Variants in ROBO2 observed in about 807,000 individuals in gnomAD.
ROBO2 encodes roundabout homolog 2.
ROBO2 carries 53 observed loss-of-function variants against 160.8 expected under a neutral mutation model. That is an observed-to-expected ratio of 0.33 (90% CI 0.26 to 0.41). ROBO2 has a LOEUF of 0.41. Among genes scored for constraint, ROBO2 ranks in the 10% least tolerant of loss-of-function variants. ROBO2 has a pLI of 1.00. For synonymous variants in ROBO2, 664 were observed against 611.7 expected (o/e 1.09, Z -1.26); for missense variants, 1,577 against 1,722.4 (o/e 0.92, Z 1.49).
At chr3:77,139,715 G>A (rs966324026) in intron 2 of ROBO2, among the ~76,000 whole-genome samples, 1 of 152,114 alleles carries the variant, frequency 6.6e-6, no homozygotes, top group Non-Finnish European at 1.5e-5. Context: ...GTTCATGTAG[G>A]CTGTATCTTC....
upstream of ROBO2, chr3:75,906,687 A>C (rs1291470077): frequency 6.6e-6 from 1 of 152,322 alleles, no homozygotes; most frequent in Non-Finnish European, 1.5e-5. Context: ...TAGCACGGGC[A>C]GCTCGCGCGC....
At chr3:76,095,653 T>C (rs538883391) in intron 2 of ROBO2, among the ~76,000 whole-genome samples, 1 of 151,966 alleles carries the variant, frequency 6.6e-6, no homozygotes, top group East Asian at 1.9e-4. Context: ...ACAACAAAAC[T>C]CCACATAGAA....
At chr3:76,961,524 T>C (rs1463498701) in intron 2 of ROBO2, among the ~76,000 whole-genome samples, 1 of 152,106 alleles carries the variant, frequency 6.6e-6, no homozygotes, top group Non-Finnish European at 1.5e-5. Context: ...ATATGATAAT[T>C]GTTCCCAGTT....
chr3:76,566,350 C>T (rs2108538823), intron 2 of ROBO2, among the ~76,000 whole-genome samples: 1 of 152,296 alleles, frequency 6.6e-6, no homozygotes, highest in South Asian at 2.1e-4. Flanking sequence ...CAGATGGAGG[C>T]ACACCCCAGA....
Position 76,301,829 on chromosome 3 carries a change from G to A in ROBO2, c.109+364227G>A, listed in dbSNP as rs1709373912. 1.3e-5 allele frequency among the ~76,000 whole-genome samples: 2 copies of A among 152,078 alleles called. 1 individual carries two copies. The highest frequency in any genetic ancestry group is 4.1e-4 in the South Asian group (2 of 4,828). On this transcript the variant is annotated intron_variant, in intron 2 of 26. Transcript: ENST00000487694. ...AGCCGAAGGGTTGTAAGTGGGAGTA[G>A]TAAGTGACAATTTTTCTAAACCCTT...
intron 1 of ROBO2, among the ~76,000 whole-genome samples, chr3:77,048,004 G>A (rs1365841345): frequency 2.6e-5 from 4 of 152,056 alleles, no homozygotes; most frequent in East Asian, 1.9e-4. Context: ...CCGAGATCGC[G>A]CCACTGCACT....
In ROBO2 at chr3:76,128,314, AAGGAG is replaced by A. The variant is rs1337142813; in HGVS notation, c.109+190713_109+190717del. Among the ~76,000 whole-genome samples, 6 of 152,236 alleles carry A rather than the reference AAGGAG, an allele frequency of 3.9e-5. No homozygotes were observed. The South Asian group carries it at 1.2e-3, about 32-fold the overall frequency. On this transcript the variant is annotated intron_variant, in intron 2 of 26. Transcript: ENST00000487694. ...TCATAGAAAATGTGGCCTTTACAGC[AAGGAG>A]CTCTCCAAGTTTCTCTTACGAAAAA...
chr3:76,115,554 C>A (rs1276561650), intron 2 of ROBO2, among the ~76,000 whole-genome samples: 1 of 151,914 alleles, frequency 6.6e-6, no homozygotes, highest in African/African-American at 2.4e-5. Context: ...ATAGATTCTT[C>A]CATATGATTA....
At chr3:77,230,705 A>C (rs1005138159) in intron 2 of ROBO2, among the ~76,000 whole-genome samples, 1 of 152,190 alleles carries the variant, frequency 6.6e-6, no homozygotes, top group Non-Finnish European at 1.5e-5. Flanking sequence ...GTTGGCTTCC[A>C]CATTAACTAC....
chr3:75,924,311 C>G (rs187338081), intron 1 of ROBO2, among the ~76,000 whole-genome samples: 6 of 151,838 alleles, frequency 4.0e-5, no homozygotes, highest in Middle Eastern at 3.2e-3. Context: ...ACAGGAAGGC[C>G]GAAAGACCAG....
chr3:76,763,957 G>C (rs2061444356), intron 2 of ROBO2, among the ~76,000 whole-genome samples: 1 of 151,708 alleles, frequency 6.6e-6, no homozygotes, highest in Non-Finnish European at 1.5e-5. Context: ...TTACATTTTT[G>C]AGATATAAAC....
chr3:75,972,719 A>G (rs1342964815), intron 2 of ROBO2, among the ~76,000 whole-genome samples: 1 of 151,596 alleles, frequency 6.6e-6, no homozygotes, highest in Non-Finnish European at 1.5e-5. Flanking sequence ...GGACCCCTAG[A>G]TCTATTGAAT....
intron 2 of ROBO2, among the ~76,000 whole-genome samples, chr3:76,410,187 C>T (rs140919763): frequency 1.3e-4 from 20 of 152,142 alleles, no homozygotes; most frequent in African/African-American, 4.8e-4. Context: ...GCCTAAAAGC[C>T]AATGAGGCCC....
chr3:76,437,494 G>A (rs1419519798), intron 2 of ROBO2, among the ~76,000 whole-genome samples: 3 of 152,186 alleles, frequency 2.0e-5, no homozygotes, highest in Admixed American at 2.0e-4. Flanking sequence ...GATTTGGGAA[G>A]TATTTCTGGT....
At chr3:77,370,256 T>C (rs1581412094) in intron 2 of ROBO2, among the ~76,000 whole-genome samples, 1 of 152,330 alleles carries the variant, frequency 6.6e-6, no homozygotes, top group Admixed American at 6.5e-5. Context: ...TTCTAGCCTT[T>C]GTATATCAAA....
chr3:77,627,682 C>G (rs761925059), intron 23 of ROBO2, among the ~76,000 whole-genome samples: 1 of 152,094 alleles, frequency 6.6e-6, no homozygotes, highest in Non-Finnish European at 1.5e-5. Flanking sequence ...AGGCAAAGGT[C>G]AATATTTGGA....
At chr3:76,580,326 T>G (rs2085584786) in intron 2 of ROBO2, among the ~76,000 whole-genome samples, 1 of 118,260 alleles carries the variant, frequency 8.5e-6, no homozygotes, top group Admixed American at 8.9e-5. Context: ...TGTTTTTTTT[T>G]TGTTTTTTTT....
chr3:76,912,132 T>C (rs909729699), intron 2 of ROBO2, among the ~76,000 whole-genome samples: 1 of 152,204 alleles, frequency 6.6e-6, no homozygotes, highest in Non-Finnish European at 1.5e-5. Context: ...TGATTCAGTC[T>C]AGTTTTGTGA....
intron 2 of ROBO2, among the ~76,000 whole-genome samples, chr3:76,482,012 A>T (rs1002192006): frequency 6.6e-6 from 1 of 152,114 alleles, no homozygotes; most frequent in Non-Finnish European, 1.5e-5. Context: ...GCATTCAATA[A>T]GTCAGAATCC....
Sources: gnomAD v4.1 joint callset for allele counts (sites outside exome capture counted in the v4.1 genomes callset) on GRCh38, gnomAD v4.1.1 for gene constraint, MANE v1.5 for transcripts, NCBI Gene and HGNC (gene_info 2026-07-23, HGNC 2026-07-21) for gene names.